Variants in FBRSL1 observed in about 807,000 individuals in gnomAD.
FBRSL1 encodes fibrosin like 1.
In FBRSL1, 51 loss-of-function variants were observed where a neutral mutation model predicts 89.6. That is an observed-to-expected ratio of 0.57 (90% CI 0.45 to 0.72). FBRSL1 has a LOEUF of 0.72. Ranked by LOEUF, FBRSL1 falls within the 30% of genes least tolerant of loss-of-function variation. The pLI, the probability that FBRSL1 is intolerant of heterozygous loss-of-function variation, is 0.00. For missense variants in FBRSL1, 1,618 were observed against 1,451.8 expected, an observed-to-expected ratio of 1.11 and a Z score of -1.86; for synonymous variants, 779 against 681.1, an observed-to-expected ratio of 1.14 and a Z score of -2.24.
chr12:132,536,678 C>T (rs1312222104), intron 4 of FBRSL1, among the ~76,000 whole-genome samples: 23 of 144,118 alleles, frequency 1.6e-4, no homozygotes, highest in South Asian at 2.2e-4. Context: ...GTGTACATGA[C>T]GTGTGAGTGC....
chr12:132,511,776 T>G, intron 2 of FBRSL1: 2 of 985,260 alleles, frequency 2.0e-6, no homozygotes, highest in Non-Finnish European at 2.4e-6. Flanking sequence ...CCGCAGGCCC[T>G]CCCGGGTCCT....
chr12:132,508,845 C>G (rs539045873), intron 2 of FBRSL1, among the ~76,000 whole-genome samples: 2 of 152,310 alleles, frequency 1.3e-5, no homozygotes, highest in East Asian at 1.9e-4. Context: ...AGGTGCGTGG[C>G]CCAGCTGGGA....
At chr12:132,512,410 G>T (rs994462426) in intron 2 of FBRSL1, among the ~76,000 whole-genome samples, 13 of 152,260 alleles carry the variant, frequency 8.5e-5, no homozygotes, top group Admixed American at 3.9e-4. Context: ...GCATGGAGGG[G>T]CCGAGTCCTG....
chr12:132,576,307 C>G (rs2040379897), intron 14 of FBRSL1, among the ~76,000 whole-genome samples: 1 of 151,896 alleles, frequency 6.6e-6, no homozygotes, highest in African/African-American at 2.4e-5. Context: ...ATTCTCCTGT[C>G]TCAGCCTCCT....
intron 1 of FBRSL1, among the ~76,000 whole-genome samples, chr12:132,505,680 C>T (rs2033597262): frequency 1.3e-5 from 2 of 152,206 alleles, no homozygotes; most frequent in Non-Finnish European, 2.9e-5. Flanking sequence ...CCTGCCTGGG[C>T]CTCCTTGGTC....
chr12:132,582,928 G>C, intron 18 of FBRSL1, 43 bp from the exon 19 acceptor site: 1 of 1,348,412 alleles, frequency 7.4e-7, no homozygotes, highest in Non-Finnish European at 9.5e-7. Flanking sequence ...CGCGCGGCAG[G>C]ACGGAGGTCT....
At chr12:132,496,997 G>A (rs374333486) in intron 1 of FBRSL1, among the ~76,000 whole-genome samples, 14 of 152,384 alleles carry the variant, frequency 9.2e-5, no homozygotes, top group African/African-American at 3.4e-4. Context: ...ACGTGGCCCT[G>A]GCGGGCCGTG....
chr12:132,542,985 A>C (rs2037394011), intron 4 of FBRSL1, among the ~76,000 whole-genome samples: 1 of 152,134 alleles, frequency 6.6e-6, no homozygotes, highest in Non-Finnish European at 1.5e-5. Flanking sequence ...CAGGGTCTGG[A>C]AGGGGTGCAG....
At chr12:132,574,616 G>A in intron 14 of FBRSL1, 52 bp downstream of exon 14, 6 of 1,530,040 alleles carry the variant, frequency 3.9e-6, no homozygotes, top group Non-Finnish European at 5.3e-6. Context: ...CTCCAGCCTG[G>A]TCGGGCCCTG....
At position 132,551,426 on chromosome 12, in the gene FBRSL1, C is replaced by T. The variant is rs180895975; in HGVS notation, c.645+3394C>T. 2.0e-3 allele frequency: 907 copies of T among 456,312 alleles called. 4 individuals are homozygous for T. Among genetic ancestry groups the T allele is most frequent in the Non-Finnish European group, 3.0e-3 (677 of 226,958 alleles). 28.3% of individuals were successfully genotyped at this position (456,312 alleles called of 1,614,324 possible). On this transcript the variant is annotated intron_variant, in intron 5 of 18. Transcript: ENST00000680143. The stretch of plus-strand genomic sequence containing the variant: ...AGCAGCCGTGCAGGGAACAGCCCTG[C>T]CCGCAGAAGCGGATGCCGGGGCAGG...
intron 1 of FBRSL1, among the ~76,000 whole-genome samples, chr12:132,492,749 C>G (rs78041463): frequency 6.6e-6 from 1 of 152,226 alleles, no homozygotes; most frequent in African/African-American, 2.4e-5. Context: ...TCTGCTGCTG[C>G]GTGGCGTTAA....
intron 2 of FBRSL1, among the ~76,000 whole-genome samples, chr12:132,519,648 C>T (rs183807045): frequency 1.6e-3 from 246 of 152,308 alleles, no homozygotes; most frequent in East Asian, 6.0e-3. Flanking sequence ...CGGTGGCTCA[C>T]GCCTGTAATC....
chr12:132,496,089 G>A (rs1343353648), intron 1 of FBRSL1, among the ~76,000 whole-genome samples: 3 of 152,248 alleles, frequency 2.0e-5, no homozygotes, highest in African/African-American at 7.2e-5. Context: ...CCGCGTGCCT[G>A]CACCTCCGCA....
intron 5 of FBRSL1, 89 bp from the exon 6 acceptor site, chr12:132,567,392 C>T (rs2039700031): frequency 3.7e-6 from 5 of 1,361,630 alleles, no homozygotes; most frequent in Non-Finnish European, 5.1e-6. Flanking sequence ...GCTGGAAAAC[C>T]ACCCAGACTT....
intron 4 of FBRSL1, among the ~76,000 whole-genome samples, chr12:132,541,092 T>TG (rs909565010): frequency 7.1e-6 from 1 of 141,440 alleles, no homozygotes; most frequent in East Asian, 2.1e-4. Flanking sequence ...ACTGTGAGCC[T>TG]GGGGGGCACA....
rs1032040816 is a variant in FBRSL1 at position 132,569,918 on chromosome 12, C to T, written c.692-8C>T. On this transcript the variant is annotated splice_polypyrimidine_tract_variant and splice_region_variant and intron_variant, in intron 6 of 18. Transcript: ENST00000680143. Reference sequence around the variant, plus strand: ...GCTGGTCTGAACGCAGCCACCCTCTCTCTGCAGGCCCAGCGCTTGAGAAGT... The same window carrying T: ...GCTGGTCTGAACGCAGCCACCCTCTTTCTGCAGGCCCAGCGCTTGAGAAGT... The T allele has an allele frequency of 1.9e-5, 27 of 1,385,744 alleles. No individual in the cohort carries two copies. Among genetic ancestry groups the T allele is most frequent in the Non-Finnish European group, 2.5e-5 (27 of 1,074,648 alleles). The allele number at this position is 1,385,744 out of a possible 1,614,324, so 85.8% of individuals were successfully genotyped here.
rs1206316283 is a variant in FBRSL1 at position 132,572,555 on chromosome 12, C to T, written c.1463C>T (p.Pro488Leu). The part of the protein sequence containing the change: ...SFFPSFPPAI[P>L]GLPTLLPHPG... Reference sequence around the variant, plus strand: ...TTCCCGTCCTTCCCTCCTGCCATCCCGGGACTGCCCACCCTGCTCCCACAC... The same window carrying T: ...TTCCCGTCCTTCCCTCCTGCCATCCTGGGACTGCCCACCCTGCTCCCACAC... The change falls in exon 11 of 19, where the codon CCG becomes CTG. Residue 488 changes from proline to leucine, a missense_variant. Pro to Leu is a moderately conservative substitution (Grantham distance 98). Transcript: ENST00000680143. 1.1e-5 allele frequency: 17 copies of T among 1,551,270 alleles called. No individual in the cohort carries two copies. The highest frequency in any genetic ancestry group is 2.7e-5 in the African/African-American group (2 of 73,046).
chr12:132,529,020 A>T (rs1019037115), intron 4 of FBRSL1, among the ~76,000 whole-genome samples: 3 of 151,876 alleles, frequency 2.0e-5, no homozygotes. Context: ...ACTGTGTTTC[A>T]TTTTCCCTTA....
In FBRSL1 at chr12:132,516,278, G is replaced by A. The variant is rs906401771; in HGVS notation, c.489+7928G>A. Among the ~76,000 whole-genome samples, 8 of 151,220 alleles carry A rather than the reference G, an allele frequency of 5.3e-5. No individual in the cohort carries two copies. The East Asian group carries it at 5.8e-4, about 11-fold the overall frequency. ...CAATGTTGCGCAAGCTCTGCCTCCC[G>A]GGTTCAAGCAGTTCTCCTGCCTCAG... On this transcript the variant is annotated intron_variant, in intron 2 of 18. Transcript: ENST00000680143.
Sources: gnomAD v4.1 joint callset for allele counts (sites outside exome capture counted in the v4.1 genomes callset) on GRCh38, gnomAD v4.1.1 for gene constraint, MANE v1.5 for transcripts, NCBI Gene and HGNC (gene_info 2026-07-23, HGNC 2026-07-21) for gene names.